GATB: variants seen among roughly 807,000 people sequenced by gnomAD.
GATB encodes glutamyl-tRNA amidotransferase subunit B.
Under a neutral mutation model 62.3 loss-of-function variants are expected in GATB, and 39 were observed. The ratio of observed to expected loss-of-function variants is 0.63; its 90% confidence interval spans 0.48 to 0.82. The LOEUF (loss-of-function observed/expected upper bound fraction) is 0.82. Among genes scored for constraint, GATB ranks in the 40% least tolerant of loss-of-function variants. The probability of loss-of-function intolerance (pLI) is 0.00; values close to 1 mark genes in which losing one functional copy is unlikely to be tolerated. For missense variants in GATB, 670 were observed against 684.0 expected (o/e 0.98, Z 0.23); for synonymous variants, 276 against 258.9 (o/e 1.07, Z -0.63).
At chr4:151,720,061 A>G (rs1738997252) in intron 2 of GATB, 1 of 152,524 alleles carries the variant, frequency 6.6e-6, no homozygotes, top group Non-Finnish European at 1.5e-5. Context: ...CTTTCTGTCC[A>G]TGCCAGGCCA....
At chr4:151,690,633 A>T (rs1738345882) in intron 9 of GATB, among the ~76,000 whole-genome samples, 1 of 152,238 alleles carries the variant, frequency 6.6e-6, no homozygotes, top group South Asian at 2.1e-4. Context: ...CCACCTAGAA[A>T]TATTGCACTT....
chr4:151,678,077 G>A (rs904864688), intron 11 of GATB, among the ~76,000 whole-genome samples: 2 of 151,608 alleles, frequency 1.3e-5, no homozygotes, highest in African/African-American at 4.9e-5. Flanking sequence ...CAGAAAATCA[G>A]TAATTTCCTA....
At chr4:151,701,605 T>C in intron 8 of GATB, 87 bp from the exon 9 acceptor site, 1 of 901,576 alleles carries the variant, frequency 1.1e-6, no homozygotes, top group Non-Finnish European at 1.5e-6. Flanking sequence ...TGAATGTTTC[T>C]GTGTTTAGAT....
At chr4:151,715,731 C>G (rs1331259154) in intron 5 of GATB, among the ~76,000 whole-genome samples, 2 of 152,190 alleles carry the variant, frequency 1.3e-5, no homozygotes, top group Non-Finnish European at 2.9e-5. Flanking sequence ...AAAGACTGAA[C>G]TGTTCAAAGC....
chr4:151,717,281 C>T (rs959355712), intron 3 of GATB: 1 of 575,324 alleles, frequency 1.7e-6, no homozygotes. Flanking sequence ...CACCCCTTCA[C>T]CCTCCCCAAA....
At chr4:151,704,868 C>T (rs111296332) in intron 7 of GATB, among the ~76,000 whole-genome samples, 1,961 of 152,080 alleles carry the variant, frequency 0.013, 42 homozygotes, top group African/African-American at 0.044. Flanking sequence ...CCTGCCTCAG[C>T]CTCCCAAATA....
chr4:151,703,585 A>G (rs1738649567), intron 8 of GATB: 1 of 513,944 alleles, frequency 1.9e-6, no homozygotes, highest in African/African-American at 1.9e-5. Flanking sequence ...AACTATGACA[A>G]CTTTGACACA....
chr4:151,679,873 T>C lies in GATB; in HGVS notation c.1350A>G (p.Ala450=). The part of the protein sequence containing the change: ...AVSESPVTPS[A]LAELLDLLDS... The stretch of plus-strand genomic sequence containing the variant: ...CCAGCAGGTCAAGAAGCTCAGCGAG[T>C]GCAGAGGGTGTGACAGGACTGGTGG... Residue 450 remains alanine, a synonymous_variant, in exon 11 of 13, where the codon GCA becomes GCG. Coordinates refer to ENST00000263985, the MANE Select transcript of GATB (RefSeq NM_004564.3). 6.2e-7 allele frequency: 1 copy of C among 1,614,006 alleles called. No individual in the cohort carries two copies. Among genetic ancestry groups the C allele is most frequent in the Non-Finnish European group, 8.5e-7 (1 of 1,179,988 alleles).
At chr4:151,755,826 G>T (rs1578944773) in intron 2 of GATB, among the ~76,000 whole-genome samples, 1 of 152,252 alleles carries the variant, frequency 6.6e-6, no homozygotes, top group South Asian at 2.1e-4. Flanking sequence ...TCTTTCGTCA[G>T]GAGGCAGTGA....
intron 2 of GATB, among the ~76,000 whole-genome samples, chr4:151,754,467 G>A (rs1739784296): frequency 6.6e-6 from 1 of 152,036 alleles, no homozygotes; most frequent in South Asian, 2.1e-4. Flanking sequence ...GCTCCATGTG[G>A]GCAACACCCA....
At chr4:151,707,119 T>A (rs1400510058) in intron 6 of GATB, among the ~76,000 whole-genome samples, 1 of 152,230 alleles carries the variant, frequency 6.6e-6, no homozygotes, top group Non-Finnish European at 1.5e-5. Flanking sequence ...GAAAACATAA[T>A]GACCATTTAG....
At chr4:151,700,178 C>A (rs1402673710) in intron 9 of GATB, among the ~76,000 whole-genome samples, 2 of 152,170 alleles carry the variant, frequency 1.3e-5, no homozygotes, top group African/African-American at 2.4e-5. Context: ...CTGACTCAGT[C>A]ATAGTCAAAG....
In GATB at chr4:151,758,820, T is replaced by C. The variant is rs763787280; in HGVS notation, c.279A>G (p.Pro93=). The C allele has an allele frequency of 1.9e-6, 3 of 1,610,198 alleles. No individual in the cohort carries two copies. Among genetic ancestry groups the C allele is most frequent in the Non-Finnish European group, 2.5e-6 (3 of 1,178,090 alleles). The part of the protein sequence containing the change: ...SGSQVRFSAP[P]NSLVSFFDAS... ...CATCAAAAAAAGAAACCAAAGAATT[T>C]GGAGGTGCTGAAAAGCGAACTTGAG... The change falls in exon 2 of 13, where the codon CCA becomes CCG. Residue 93 remains proline (P), a synonymous_variant. Coordinates refer to ENST00000263985, the MANE Select transcript of GATB (RefSeq NM_004564.3).
chr4:151,691,365 T>C (rs1223965369), intron 9 of GATB, among the ~76,000 whole-genome samples: 2 of 152,160 alleles, frequency 1.3e-5, no homozygotes, highest in African/African-American at 4.8e-5. Context: ...AGCGGTCCTG[T>C]CTTTTGTATA....
In GATB at chr4:151,716,952, G is replaced by A. The variant is rs918099979; in HGVS notation, c.564C>T (p.Ile188=). The change falls in exon 4 of 13, where the codon ATC becomes ATT. Residue 188 remains isoleucine (I), a synonymous_variant. Transcript: ENST00000263985. ...TTTTGCCACTGTCTTGCTCCAACTGGATCTGCTTGATCCTCACCGTCTTGG... is the reference window on the plus strand; with the variant it reads ...TTTTGCCACTGTCTTGCTCCAACTGAATCTGCTTGATCCTCACCGTCTTGG... ...VIPKTVRIKQ[I]QLEQDSGKSL... 15 of 1,614,096 alleles carry A rather than the reference G, an allele frequency of 9.3e-6. No individual in the cohort carries two copies. The highest frequency in any genetic ancestry group is 1.2e-5 in the Non-Finnish European group (14 of 1,180,016).
At position 151,719,545 on chromosome 4, in the gene GATB, G is replaced by C; in HGVS notation, c.328-7C>G. 1.9e-6 allele frequency: 3 copies of C among 1,581,704 alleles called. No individual in the cohort carries two copies. The highest frequency in any genetic ancestry group is 2.6e-6 in the Non-Finnish European group (3 of 1,159,902). The stretch of plus-strand genomic sequence containing the variant: ...CACACCTCCTGTTGAGAACCTATGG[G>C]AACACAACACACAGTTCCTCTCAGA... On this transcript the variant is annotated splice_region_variant and splice_polypyrimidine_tract_variant and intron_variant, in intron 2 of 12. Coordinates refer to ENST00000263985, the MANE Select transcript of GATB (RefSeq NM_004564.3).
intron 5 of GATB, among the ~76,000 whole-genome samples, chr4:151,712,773 G>A (rs1049745434): frequency 6.6e-6 from 1 of 152,214 alleles, no homozygotes; most frequent in Non-Finnish European, 1.5e-5. Context: ...AGCACAGGCT[G>A]TTTTCGAGGC....
chr4:151,727,886 A>C (rs1739167579), intron 2 of GATB, among the ~76,000 whole-genome samples: 2 of 152,208 alleles, frequency 1.3e-5, no homozygotes, highest in African/African-American at 4.8e-5. Flanking sequence ...TCATATGTTA[A>C]CTTTTCCAGG....
At chr4:151,727,087 T>G (rs1739152448) in intron 2 of GATB, among the ~76,000 whole-genome samples, 1 of 152,162 alleles carries the variant, frequency 6.6e-6, no homozygotes, top group Non-Finnish European at 1.5e-5. Context: ...TGGTTAATTT[T>G]TTAATTTATA....
Sources: gnomAD v4.1 joint callset for allele counts (sites outside exome capture counted in the v4.1 genomes callset) on GRCh38, gnomAD v4.1.1 for gene constraint, MANE v1.5 for transcripts, NCBI Gene and HGNC (gene_info 2026-07-23, HGNC 2026-07-21) for gene names.